The following SEMA6D variants were observed in gnomAD, a reference collection of about 807,000 sequenced individuals.
The protein encoded by SEMA6D is semaphorin 6D.
SEMA6D carries 35 observed loss-of-function variants against 106.6 expected under a neutral mutation model. The ratio of observed to expected loss-of-function variants is 0.33; its 90% confidence interval spans 0.25 to 0.44. The LOEUF is 0.44. Among genes scored for constraint, SEMA6D ranks in the 20% least tolerant of loss-of-function variants. SEMA6D has a pLI of 1.00. For synonymous variants in SEMA6D, 499 were observed against 487.7 expected (o/e 1.02, Z -0.31); for missense variants, 1,185 against 1,345.9 (o/e 0.88, Z 1.87).
intron 3 of SEMA6D, among the ~76,000 whole-genome samples, chr15:47,474,887 C>G (rs2042961168): frequency 6.6e-6 from 1 of 152,170 alleles, no homozygotes; most frequent in African/African-American, 2.4e-5. Flanking sequence ...CTTCATGATT[C>G]TATGGTACGA....
intron 1 of SEMA6D, among the ~76,000 whole-genome samples, chr15:47,247,847 A>G (rs1043974399): frequency 6.6e-6 from 1 of 152,204 alleles, no homozygotes; most frequent in Non-Finnish European, 1.5e-5. Context: ...CTAGTTTTTA[A>G]TAACCCAGAA....
rs74789028 is a variant in SEMA6D, at chr15:47,362,577, C to T, written c.-238-49816C>T. On this transcript the variant is annotated intron_variant, in intron 1 of 19. Coordinates refer to the SEMA6D transcript ENST00000558014. ...CAGGCCTCTTATGTGAGCTTGCCAG[C>T]CCCAAAGAAATCTACTCTAGTCTCT... Among the ~76,000 whole-genome samples, 600 of 152,236 alleles carry T rather than the reference C, an allele frequency of 3.9e-3. 5 individuals carry two copies. Among genetic ancestry groups the T allele is most frequent in the African/African-American group, 0.014 (582 of 41,528 alleles).
At chr15:47,628,719 A>G (rs1355817710) in intron 4 of SEMA6D, among the ~76,000 whole-genome samples, 1 of 152,122 alleles carries the variant, frequency 6.6e-6, no homozygotes, top group Non-Finnish European at 1.5e-5. Context: ...TCCTCTGTAC[A>G]AGGTCTTTTG....
intron 2 of SEMA6D, among the ~76,000 whole-genome samples, chr15:47,446,612 A>G (rs1224307684): frequency 6.6e-6 from 1 of 152,108 alleles, no homozygotes; most frequent in Non-Finnish European, 1.5e-5. Context: ...ACTAATAGTA[A>G]TTCAGTAGTA....
chr15:47,511,789 G>A (rs1566844873), intron 3 of SEMA6D, among the ~76,000 whole-genome samples: 1 of 152,160 alleles, frequency 6.6e-6, no homozygotes, highest in African/African-American at 2.4e-5. Flanking sequence ...ATCTCTGGCA[G>A]ATGGGAGGAG....
intron 3 of SEMA6D, among the ~76,000 whole-genome samples, chr15:47,595,482 T>A (rs1315712605): frequency 6.6e-6 from 1 of 152,182 alleles, no homozygotes; most frequent in African/African-American, 2.4e-5. Flanking sequence ...TTACTAGTAC[T>A]CTTGTTGTTG....
chr15:47,503,327 T>C (rs2043919802), intron 3 of SEMA6D, among the ~76,000 whole-genome samples: 1 of 152,212 alleles, frequency 6.6e-6, no homozygotes, highest in Non-Finnish European at 1.5e-5. Context: ...AAACTCTTCT[T>C]TTGTCAGAAA....
intron 11 of SEMA6D, 93 bp downstream of exon 11, chr15:47,764,398 C>A: frequency 6.9e-7 from 1 of 1,457,504 alleles, no homozygotes; most frequent in Non-Finnish European, 9.2e-7. Flanking sequence ...GCCAACCTCC[C>A]ACACCAGGAA....
chr15:47,282,648 T>C (rs1382473154), intron 1 of SEMA6D, among the ~76,000 whole-genome samples: 1 of 152,150 alleles, frequency 6.6e-6, no homozygotes, highest in Non-Finnish European at 1.5e-5. Context: ...CTATTTTATT[T>C]CAAAGCCACT....
At chr15:47,436,004 C>CTGA (rs1464315456) in intron 2 of SEMA6D, among the ~76,000 whole-genome samples, 1 of 152,064 alleles carries the variant, frequency 6.6e-6, no homozygotes, top group East Asian at 1.9e-4. Flanking sequence ...CTCTCATCTT[C>CTGA]TGAGGGGGTT....
At chr15:47,533,000 A>G (rs1345526030) in intron 3 of SEMA6D, among the ~76,000 whole-genome samples, 1 of 152,208 alleles carries the variant, frequency 6.6e-6, no homozygotes, top group African/African-American at 2.4e-5. Flanking sequence ...AGTCTGAGGA[A>G]GAAACAGCCC....
chr15:47,332,596 T>A (rs2037384446), intron 1 of SEMA6D, among the ~76,000 whole-genome samples: 1 of 152,186 alleles, frequency 6.6e-6, no homozygotes, highest in Non-Finnish European at 1.5e-5. Context: ...AAGATGATTT[T>A]CTAAGTCCAC....
chr15:47,474,369 T>C (rs777451035), intron 3 of SEMA6D, among the ~76,000 whole-genome samples: 2 of 152,216 alleles, frequency 1.3e-5, no homozygotes, highest in Non-Finnish European at 2.9e-5. Flanking sequence ...GAATGTTTGC[T>C]CAATATTTGT....
At chr15:47,270,925 A>G (rs2034532177) in intron 1 of SEMA6D, among the ~76,000 whole-genome samples, 2 of 152,020 alleles carry the variant, frequency 1.3e-5, no homozygotes, top group Admixed American at 6.6e-5. Context: ...AACCCGGGCA[A>G]CAGAGCAAGA....
chr15:47,644,712 A>G (rs1010245633), intron 4 of SEMA6D, among the ~76,000 whole-genome samples: 2 of 152,190 alleles, frequency 1.3e-5, no homozygotes, highest in South Asian at 4.1e-4. Context: ...CTCCAGAACT[A>G]TGAAACATAC....
intron 1 of SEMA6D, among the ~76,000 whole-genome samples, chr15:47,363,828 GGA>G (rs1488808933): frequency 3.3e-5 from 5 of 152,116 alleles, no homozygotes; most frequent in Admixed American, 3.3e-4. Context: ...GCATGGCTTG[GGA>G]GGCCTCAGGA....
chr15:47,361,124 C>G (rs1023605223), intron 1 of SEMA6D, among the ~76,000 whole-genome samples: 4 of 152,220 alleles, frequency 2.6e-5, no homozygotes, highest in African/African-American at 7.2e-5. Flanking sequence ...GTGTTCTCTT[C>G]CTTCTTCCTT....
chr15:47,506,595 C>T (rs572140177), intron 3 of SEMA6D, among the ~76,000 whole-genome samples: 56 of 142,022 alleles, frequency 3.9e-4, no homozygotes, highest in African/African-American at 1.5e-3. Context: ...TTTACACACA[C>T]ACAAACACAC....
intron 4 of SEMA6D, 21 bp from the exon 5 acceptor site, chr15:47,761,137 G>T (rs599111): frequency 0.36 from 585,836 of 1,612,310 alleles, 111,206 homozygotes; most frequent in East Asian, 0.66. Flanking sequence ...AAACTGCTTT[G>T]GTTTTGCTTG....
Sources: gnomAD v4.1 joint callset for allele counts (sites outside exome capture counted in the v4.1 genomes callset) on GRCh38, gnomAD v4.1.1 for gene constraint, MANE v1.5 for transcripts, NCBI Gene and HGNC (gene_info 2026-07-23, HGNC 2026-07-21) for gene names.